The following HSPG2 variants were observed in gnomAD, a reference collection of about 807,000 sequenced individuals.
The protein encoded by HSPG2 is heparan sulfate proteoglycan 2, also known as basement membrane-specific heparan sulfate proteoglycan core protein.
In HSPG2, 278 loss-of-function variants were observed where a neutral mutation model predicts 526.6. The observed-to-expected ratio is 0.53, with a 90% CI of 0.48 to 0.58. The LOEUF (loss-of-function observed/expected upper bound fraction) is 0.58, where lower values mean the gene tolerates loss of function less well. HSPG2 is among the 20% of genes least tolerant of loss of function. The probability of loss-of-function intolerance (pLI) is 0.00; values close to 1 mark genes in which losing one functional copy is unlikely to be tolerated. For missense variants in HSPG2, 5,354 were observed against 6,099.5 expected (o/e 0.88, Z 4.07); for synonymous variants, 2,465 against 2,555.4 (o/e 0.96, Z 1.07).
At chr1:21,918,960 T>G (rs1035126050) in intron 1 of HSPG2, among the ~76,000 whole-genome samples, 8 of 152,208 alleles carry the variant, frequency 5.3e-5, no homozygotes, top group Non-Finnish European at 1.0e-4. Context: ...CCCTCTCCTC[T>G]GATCTATAGG....
intron 1 of HSPG2, among the ~76,000 whole-genome samples, chr1:21,902,365 G>A (rs1643147964): frequency 6.6e-6 from 1 of 152,190 alleles, no homozygotes; most frequent in South Asian, 2.1e-4. Flanking sequence ...CCCCAAACAA[G>A]GAGAGGGTCC....
rs77527456 is a variant in HSPG2, at chr1:21,830,977, C to T, written c.11671+5G>A. On this transcript the variant is annotated splice_donor_5th_base_variant and intron_variant, in intron 85 of 96. Transcript: ENST00000374695. The stretch of plus-strand genomic sequence containing the variant: ...GCGACAGCGACTGGCGGTCGGGGTG[C>T]GTACCTGGATGGCAGTGCAGGGCCT... 8.3e-4 allele frequency: 1,303 copies of T among 1,567,342 alleles called. 16 individuals are homozygous for T. The East Asian group carries it at 0.013, about 16-fold the overall frequency.
Position 21,889,981 on chromosome 1 carries a change from C to T in HSPG2, c.574G>A (p.Val192Met). Residue 192 changes from valine to methionine, a missense_variant and splice_region_variant, in exon 6 of 97, where the codon GTG (valine) becomes ATG (methionine). Transcript: ENST00000374695. The part of the protein sequence containing the change: ...QGFQFRRLGT[V>M]PQFPRACTEA... ...ATCCCAGACACCAGGATAGGCTCAC[C>T]TGTGCCCAGGCGTCGGAACTGGAAT... 6.2e-7 allele frequency: 1 copy of T among 1,614,042 alleles called. No individual in the cohort carries two copies.
At chr1:21,903,654 G>T (rs1248346426) in intron 1 of HSPG2, among the ~76,000 whole-genome samples, 1 of 152,106 alleles carries the variant, frequency 6.6e-6, no homozygotes, top group African/African-American at 2.4e-5. Context: ...AGCAAAAAAA[G>T]GTCCCCGCTT....
intron 1 of HSPG2, among the ~76,000 whole-genome samples, chr1:21,928,527 G>A (rs769371151): frequency 1.1e-4 from 16 of 152,210 alleles, no homozygotes; most frequent in Non-Finnish European, 1.6e-4. Flanking sequence ...TGCAACCTCC[G>A]CTTCCCAGGT....
rs1354949411 is a variant in HSPG2, at chr1:21,880,216, C to T, written c.2234G>A (p.Cys745Tyr). The change falls in exon 17 of 97, where the codon TGT becomes TAT. Residue 745 changes from cysteine (C) to tyrosine (Y), a missense_variant. Cys to Tyr is a radical substitution (Grantham distance 194, BLOSUM62 -2). Transcript: ENST00000374695. ...AGGCACCCGAGTGAAGTGGGCATCACAGCTCTCGCAGGACAAGCCAGAATA... is the reference window on the plus strand; with the variant it reads ...AGGCACCCGAGTGAAGTGGGCATCATAGCTCTCGCAGGACAAGCCAGAATA... ...IGYSGLSCES[C>Y]DAHFTRVPGG... 1.9e-6 allele frequency: 3 copies of T among 1,614,200 alleles called. No homozygotes were observed. The highest frequency in any genetic ancestry group is 2.2e-5 in the East Asian group (1 of 44,890).
chr1:21,855,603 G>C lies in HSPG2; in HGVS notation c.5774C>G (p.Pro1925Arg). The C allele has an allele frequency of 6.3e-7, 1 of 1,584,040 alleles. No homozygotes were observed. Among genetic ancestry groups the C allele is most frequent in the South Asian group, 1.1e-5 (1 of 87,598 alleles). The change falls in exon 46 of 97, where the codon CCC (proline) becomes CGC (arginine). Residue 1925 changes from proline (P) to arginine (R), a missense_variant. Pro to Arg is a moderately radical substitution (Grantham distance 103). Coordinates refer to ENST00000374695, the MANE Select transcript of HSPG2 (RefSeq NM_005529.7). ...GCACAAGTACTGGGCCTGATCCGTG[G>C]GCTCGACAGCTGGCAGGCGCAGGAT... ...GGILRLPAVE[P>R]TDQAQYLCRA...
At chr1:21,931,750 T>C (rs1644356459) in intron 1 of HSPG2, among the ~76,000 whole-genome samples, 1 of 152,142 alleles carries the variant, frequency 6.6e-6, no homozygotes, top group Admixed American at 6.5e-5. Flanking sequence ...CAGGCCCTCC[T>C]GCCCTCCCTC....
At chr1:21,885,295 A>G (rs569080382) in intron 10 of HSPG2, 25 bp downstream of exon 10, 3 of 1,613,724 alleles carry the variant, frequency 1.9e-6, no homozygotes, top group Non-Finnish European at 2.5e-6. Context: ...CAGGGCCCGC[A>G]TCTCGACCCC....
Position 21,857,322 on chromosome 1 carries a change from C to T in HSPG2, c.5357G>A (p.Gly1786Glu). 6.2e-7 allele frequency: 1 copy of T among 1,614,114 alleles called. No individual in the cohort carries two copies. Residue 1786 changes from glycine (G) to glutamate (E), a missense_variant, in exon 43 of 97, where the codon GGA becomes GAA. Coordinates refer to ENST00000374695, the MANE Select transcript of HSPG2 (RefSeq NM_005529.7). ...EEQRSQSVRP[G>E]ADVTFICTAK... ...TGTGCAGATGAAGGTGACGTCAGCTCCGGGGCGCACGCTCTGGCTCCGCTG... is the reference window on the plus strand; with the variant it reads ...TGTGCAGATGAAGGTGACGTCAGCTTCGGGGCGCACGCTCTGGCTCCGCTG...
intron 33 of HSPG2, among the ~76,000 whole-genome samples, chr1:21,871,440 T>C (rs775092365): frequency 2.6e-5 from 4 of 151,974 alleles, no homozygotes; most frequent in Non-Finnish European, 5.9e-5. Context: ...TTTTGTACTT[T>C]TTGTAGAGAC....
rs1644516835 is a variant in HSPG2 at position 21,937,276 on chromosome 1, C to G, written c.-59G>C. On this transcript the variant is annotated 5_prime_UTR_variant, in exon 1 of 97. Transcript: ENST00000374695. Reference sequence around the variant, plus strand: ...TCCGCGCCGCCCGCTCCGCGCCGCCCGCAGCCGCCCGCTCGCCGGCCAGCT... The same window carrying G: ...TCCGCGCCGCCCGCTCCGCGCCGCCGGCAGCCGCCCGCTCGCCGGCCAGCT... The G allele has an allele frequency of 3.3e-6, 2 of 601,046 alleles. No homozygotes were observed. The highest frequency in any genetic ancestry group is 2.1e-5 in the African/African-American group (1 of 48,112). The allele number at this position is 601,046 out of a possible 1,614,324, so 37.2% of individuals were successfully genotyped here.
At chr1:21,891,333 T>C (rs983085710) in intron 3 of HSPG2, among the ~76,000 whole-genome samples, 10 of 152,242 alleles carry the variant, frequency 6.6e-5, no homozygotes, top group African/African-American at 1.9e-4. Flanking sequence ...TGACTGCATG[T>C]ACCACCTGGG....
Position 21,837,026 on chromosome 1 carries a change from G to C in HSPG2, c.10151-20C>G. 1 of 1,541,240 alleles carries C rather than the reference G, an allele frequency of 6.5e-7. No homozygotes were observed. Among genetic ancestry groups the C allele is most frequent in the South Asian group, 1.2e-5 (1 of 84,022 alleles). ...GAGGGCCTGCGGGGACATGTATGAG[G>C]TTCTGCAGGTATATGTGTGTGTGAT... On this transcript the variant is annotated intron_variant, in intron 74 of 96. Coordinates refer to ENST00000374695, the MANE Select transcript of HSPG2 (RefSeq NM_005529.7).
rs1221255048 is a variant in HSPG2, at chr1:21,937,171, TGCA to T, written c.44_46del (p.Leu15del). The T allele has an allele frequency of 4.8e-6, 5 of 1,047,182 alleles. No individual in the cohort carries two copies. The highest frequency in any genetic ancestry group is 4.6e-6 in the Non-Finnish European group (4 of 862,752). The allele number at this position is 1,047,182 out of a possible 1,614,324, so 64.9% of individuals were successfully genotyped here. ...CACACTCACCGCCAGCAGCCGCCCGTGCAGCAGCAGCGCCAGCAGCAGCGCGCC... is the reference window on the plus strand; with the variant it reads ...CACACTCACCGCCAGCAGCCGCCCGTGCAGCAGCGCCAGCAGCAGCGCGCC... On this transcript the variant is annotated inframe_deletion, in exon 1 of 97. Coordinates refer to ENST00000374695, the MANE Select transcript of HSPG2 (RefSeq NM_005529.7).
Position 21,874,878 on chromosome 1 carries a change from GC to G in HSPG2, c.3414+12del. On this transcript the variant is annotated intron_variant, in intron 26 of 96. Coordinates refer to ENST00000374695, the MANE Select transcript of HSPG2 (RefSeq NM_005529.7). Reference sequence around the variant, plus strand: ...AGGGGGCTGGCTGGGCTGGCGTGGGGCCCAGGACTCACCTGGCAGGACGGCC... The same window carrying G: ...AGGGGGCTGGCTGGGCTGGCGTGGGGCCAGGACTCACCTGGCAGGACGGCC... 3 of 1,600,180 alleles carry G rather than the reference GC, an allele frequency of 1.9e-6. No homozygotes were observed. Among genetic ancestry groups the G allele is most frequent in the Non-Finnish European group, 2.6e-6 (3 of 1,170,036 alleles).
At chr1:21,882,078 T>C (rs1641560924) in intron 13 of HSPG2, among the ~76,000 whole-genome samples, 2 of 152,136 alleles carry the variant, frequency 1.3e-5, no homozygotes, top group African/African-American at 2.4e-5. Context: ...TGGGAACCAT[T>C]TGGGAACCAC....
chr1:21,872,291 A>G lies in HSPG2; in HGVS notation c.4116T>C (p.Thr1372=). 1 of 1,566,690 alleles carries G rather than the reference A, an allele frequency of 6.4e-7. No homozygotes were observed. The highest frequency in any genetic ancestry group is 2.4e-5 in the East Asian group (1 of 42,038). Residue 1372 remains threonine, a synonymous_variant, in exon 33 of 97, where the codon ACT becomes ACC. Coordinates refer to ENST00000374695, the MANE Select transcript of HSPG2 (RefSeq NM_005529.7). This position sits in a 1 kb window ranked among gnomAD's most constrained non-coding sequence, Gnocchi z 5.5. Reference sequence around the variant, plus strand: ...GGGCACCCTCGGGCACGGGTTCCACAGTGAATTCTCCTGTCAGGCGGCTGT... The same window carrying G: ...GGGCACCCTCGGGCACGGGTTCCACGGTGAATTCTCCTGTCAGGCGGCTGT... ...QRNSRLTGEF[T]VEPVPEGAQL...
At chr1:21,840,796 C>T (rs2098045392) in intron 71 of HSPG2, among the ~76,000 whole-genome samples, 1 of 152,140 alleles carries the variant, frequency 6.6e-6, no homozygotes, top group Admixed American at 6.5e-5. Context: ...CTGGCCCTTT[C>T]CTTGGTTTTT....
Sources: allele counts gnomAD v4.1 joint callset (sites outside exome capture counted in the v4.1 genomes callset), GRCh38; gene constraint gnomAD v4.1.1; non-coding constraint Gnocchi (gnomAD v3.1); transcripts MANE v1.5; gene names NCBI Gene and HGNC (gene_info 2026-07-23, HGNC 2026-07-21).